The following ADGRF5 variants were observed in gnomAD, a reference collection of about 807,000 sequenced individuals.
The protein encoded by ADGRF5 is adhesion G protein-coupled receptor F5.
Under a neutral mutation model 132.3 loss-of-function variants are expected in ADGRF5, and 75 were observed. That is an observed-to-expected ratio of 0.57 (90% CI 0.47 to 0.69). The LOEUF is 0.69. Ranked by LOEUF, ADGRF5 falls within the 30% of genes least tolerant of loss-of-function variation. The probability of loss-of-function intolerance (pLI) is 0.00; values close to 1 mark genes in which losing one functional copy is unlikely to be tolerated. For synonymous variants in ADGRF5, 629 were observed against 597.6 expected, an observed-to-expected ratio of 1.05 and a Z score of -0.77; for missense variants, 1,516 against 1,630.6, an observed-to-expected ratio of 0.93 and a Z score of 1.21.
intron 10 of ADGRF5, among the ~76,000 whole-genome samples, chr6:46,873,693 C>A (rs1478630181): frequency 3.3e-5 from 5 of 152,166 alleles, no homozygotes; most frequent in Non-Finnish European, 7.4e-5. Context: ...CTAAGAGCAA[C>A]ACTCTCGTTG....
chr6:46,873,968 T>C (rs1562169013), intron 10 of ADGRF5, among the ~76,000 whole-genome samples: 1 of 152,360 alleles, frequency 6.6e-6, no homozygotes, highest in South Asian at 2.1e-4. Flanking sequence ...CTCCTACCCA[T>C]GGTAACTTGC....
At chr6:46,854,197 A>T (rs965340337) in intron 20 of ADGRF5, 126 bp from the exon 21 acceptor site, 6 of 589,460 alleles carry the variant, frequency 1.0e-5, no homozygotes, top group Non-Finnish European at 2.9e-6. Context: ...ATGCCTGGAA[A>T]CCAACCCATA....
At chr6:46,899,896 GA>G in intron 3 of ADGRF5, 132 bp downstream of exon 3, 1 of 643,656 alleles carries the variant, frequency 1.6e-6, no homozygotes. Flanking sequence ...ATTATTTTTG[GA>G]AATCACACTG....
intron 20 of ADGRF5, chr6:46,854,650 C>G (rs1581705989): frequency 1.1e-6 from 1 of 912,550 alleles, no homozygotes; most frequent in South Asian, 1.4e-5. Flanking sequence ...GAGGTGGGGA[C>G]TGTGCACAGG....
At position 46,855,967 on chromosome 6, in the gene ADGRF5, T is replaced by G; in HGVS notation, c.3961+7A>C. On this transcript the variant is annotated splice_region_variant and intron_variant, in intron 20 of 20. Transcript: ENST00000283296. ...CAAGCAGGGAGAAACTGGAGGCCAC[T>G]ACTCACCTGTTTTACCAAACAAATT... is the stretch of plus-strand genomic sequence containing the variant. The G allele has an allele frequency of 6.5e-7, 1 of 1,539,650 alleles. No individual in the cohort carries two copies. Among genetic ancestry groups the G allele is most frequent in the Non-Finnish European group, 9.0e-7 (1 of 1,114,508 alleles).
At chr6:46,871,508 T>A (rs1397098340) in intron 11 of ADGRF5, among the ~76,000 whole-genome samples, 2 of 151,986 alleles carry the variant, frequency 1.3e-5, no homozygotes, top group Non-Finnish European at 2.9e-5. Context: ...AGGGACATTA[T>A]CCTCATTACA....
At chr6:46,888,264 A>T in intron 4 of ADGRF5, 71 bp downstream of exon 4, 1 of 1,089,070 alleles carries the variant, frequency 9.2e-7, no homozygotes, top group Admixed American at 1.9e-5. Context: ...TTGCTCTGAT[A>T]CTCAGGAGCT....
intron 1 of ADGRF5, among the ~76,000 whole-genome samples, chr6:46,911,460 C>G (rs1335415326): frequency 6.6e-6 from 1 of 152,134 alleles, no homozygotes; most frequent in Non-Finnish European, 1.5e-5. Flanking sequence ...ACCAAAATAA[C>G]CCTATCATTT....
At chr6:46,924,623 C>T (rs952488534), upstream of ADGRF5, among the ~76,000 whole-genome samples, 6 of 152,106 alleles carry the variant, frequency 3.9e-5, no homozygotes, top group Admixed American at 2.6e-4. Context: ...AATTCCTGAC[C>T]CACGTATTCA....
At chr6:46,866,798 G>T in intron 13 of ADGRF5, 127 bp downstream of exon 13, 1 of 609,140 alleles carries the variant, frequency 1.6e-6, no homozygotes, top group Admixed American at 3.0e-5. Flanking sequence ...AGATTCATGG[G>T]ATTCTACTCT....
intron 1 of ADGRF5, among the ~76,000 whole-genome samples, chr6:46,937,260 G>T (rs4711861): frequency 0.51 from 77,662 of 151,566 alleles, 20,856 homozygotes; most frequent in East Asian, 0.64. Flanking sequence ...GTGAGTGTGT[G>T]TGTGTTGATG....
At chr6:46,890,005 G>T (rs561071096) in intron 3 of ADGRF5, among the ~76,000 whole-genome samples, 69 of 152,002 alleles carry the variant, frequency 4.5e-4, no homozygotes, top group Non-Finnish European at 8.1e-4. Context: ...CCTAATCTTG[G>T]CTAGAATATA....
rs368567837 is a variant in ADGRF5, at chr6:46,860,718, C to T, written c.2376G>A (p.Met792Ile). 115 of 1,610,006 alleles carry T rather than the reference C, an allele frequency of 7.1e-5. No homozygotes were observed. The highest frequency in any genetic ancestry group is 8.1e-5 in the Non-Finnish European group (95 of 1,176,982). The change falls in exon 16 of 21, where the codon ATG becomes ATA. Residue 792 changes from methionine to isoleucine, a missense_variant. Coordinates refer to ENST00000283296, the MANE Select transcript of ADGRF5 (RefSeq NM_001098518.2). ...TGCAAAGGTTAAGCAAACTCACCGTCATCATTTCTGAATTTACTTGGGTTG... is the reference window on the plus strand; with the variant it reads ...TGCAAAGGTTAAGCAAACTCACCGTTATCATTTCTGAATTTACTTGGGTTG... ...TVPTQVNSEM[M>I]THVLSTVNVI...
At position 46,879,905 on chromosome 6, in the gene ADGRF5, TG is replaced by T. The variant is rs1772261760; in HGVS notation, c.948del (p.Ser316ArgfsTer14). ...YEEQQLEIQN[S>X]SRFSIYTALF... ...AGTGCGGTGTAAATCGAGAATCTGC[TG>T]CTGTTCTGGATTTCCAACTGCTGTT... On this transcript the variant is annotated frameshift_variant, in exon 9 of 21. Transcript: ENST00000283296. LOFTEE classifies it high-confidence loss of function. The T allele has an allele frequency of 1.2e-6, 2 of 1,614,106 alleles. No homozygotes were observed. Among genetic ancestry groups the T allele is most frequent in the Non-Finnish European group, 1.7e-6 (2 of 1,179,922 alleles).
chr6:46,923,408 G>A (rs1777093420), upstream of ADGRF5, among the ~76,000 whole-genome samples: 1 of 152,148 alleles, frequency 6.6e-6, no homozygotes, highest in Non-Finnish European at 1.5e-5. Flanking sequence ...CATGCTATCA[G>A]CCTGTAGCAA....
chr6:46,873,635 CCTATGGCTT>C (rs1482629949), intron 10 of ADGRF5, among the ~76,000 whole-genome samples: 1 of 152,124 alleles, frequency 6.6e-6, no homozygotes, highest in East Asian at 1.9e-4. Flanking sequence ...CTCATCTATA[CCTATGGCTT>C]CTAGTATAGC....
intron 10 of ADGRF5, among the ~76,000 whole-genome samples, chr6:46,872,824 T>C (rs899385206): frequency 6.6e-6 from 1 of 152,166 alleles, no homozygotes; most frequent in African/African-American, 2.4e-5. Context: ...TCAAACACTA[T>C]CAATCTTCCG....
chr6:46,913,525 G>T lies in ADGRF5; in HGVS notation c.-24-6739C>A, dbSNP rs1424362464. Among the ~76,000 whole-genome samples, 5 of 152,074 alleles carry T rather than the reference G, an allele frequency of 3.3e-5. No individual in the cohort carries two copies. The East Asian group carries it at 9.7e-4, about 29-fold the overall frequency. On this transcript the variant is annotated intron_variant, in intron 1 of 20. Coordinates refer to ENST00000283296, the MANE Select transcript of ADGRF5 (RefSeq NM_001098518.2). ...AAAAAAAAAAAAGAAGAAGAAGAAG[G>T]GGGTGGTCAACTATGTCCAGTGGTG...
chr6:46,882,939 C>T (rs1772642232), intron 6 of ADGRF5, among the ~76,000 whole-genome samples: 1 of 152,186 alleles, frequency 6.6e-6, no homozygotes, highest in Admixed American at 6.5e-5. Context: ...AAGTCATTAT[C>T]TCAGCCCACC....
Sources: gnomAD v4.1 joint callset for allele counts (sites outside exome capture counted in the v4.1 genomes callset) on GRCh38, gnomAD v4.1.1 for gene constraint, MANE v1.5 for transcripts, NCBI Gene and HGNC (gene_info 2026-07-23, HGNC 2026-07-21) for gene names.